The following KCNQ1OT1 variants were observed in gnomAD, a reference collection of about 807,000 sequenced individuals.
The protein encoded by KCNQ1OT1 is KCNQ1 antisense RNA 2 (non-protein coding).
At chr11:2,633,246 G>A in exon 1 of KCNQ1OT1, 1 of 398,410 alleles carries the variant, frequency 2.5e-6, no homozygotes, top group Non-Finnish European at 4.4e-6. Flanking sequence ...GGTGTTTTTT[G>A]CTGTTGAATT....
exon 1 of KCNQ1OT1, chr11:2,622,901 T>A (rs996870814): frequency 2.5e-6 from 1 of 398,556 alleles, no homozygotes; most frequent in Non-Finnish European, 4.4e-6. Context: ...AAGTCCCTAG[T>A]TAACATTAGG....
exon 1 of KCNQ1OT1, chr11:2,675,644 G>A: frequency 2.5e-6 from 1 of 398,610 alleles, no homozygotes; most frequent in Non-Finnish European, 4.4e-6. Flanking sequence ...GGGTGGTTGG[G>A]CTCTCTAGGA....
At chr11:2,662,630 T>C (rs547996714) in exon 1 of KCNQ1OT1, 1 of 409,816 alleles carries the variant, frequency 2.4e-6, no homozygotes, top group African/African-American at 2.0e-5. Context: ...CAATCCCCGG[T>C]GCCCGGCCAC....
chr11:2,646,377 T>C (rs1849665964), exon 1 of KCNQ1OT1: 1 of 398,534 alleles, frequency 2.5e-6, no homozygotes, highest in South Asian at 1.3e-4. Context: ...CTTCAATTAC[T>C]GTTATCAGTA....
At chr11:2,618,753 A>G in exon 1 of KCNQ1OT1, 3 of 398,502 alleles carry the variant, frequency 7.5e-6, no homozygotes, top group Middle Eastern at 1.3e-3. Context: ...GATTTTATTC[A>G]ATCTGTATAT....
At chr11:2,625,672 T>A (rs1318991940) in exon 1 of KCNQ1OT1, 1 of 397,200 alleles carries the variant, frequency 2.5e-6, no homozygotes, top group Non-Finnish European at 4.4e-6. Context: ...GCCTCCTGGG[T>A]TCACATCATT....
chr11:2,641,091 C>T, exon 1 of KCNQ1OT1: 1 of 398,402 alleles, frequency 2.5e-6, no homozygotes, highest in Non-Finnish European at 4.4e-6. Flanking sequence ...TTCCTGAGTC[C>T]ATATCTTTGC....
exon 1 of KCNQ1OT1, chr11:2,680,614 CTG>C: frequency 2.5e-6 from 1 of 398,508 alleles, no homozygotes; most frequent in Non-Finnish European, 4.4e-6. Context: ...TCTTGCAAAA[CTG>C]TAGTACAATA....
chr11:2,698,840 C>CA lies in KCNQ1OT1; in HGVS notation n.1154dup. 2.5e-6 allele frequency: 1 copy of CA among 398,792 alleles called. No individual in the cohort carries two copies. Among genetic ancestry groups the CA allele is most frequent in the South Asian group, 1.3e-4 (1 of 7,852 alleles). 24.7% of individuals were successfully genotyped at this position (398,792 alleles called of 1,614,324 possible). ...CTAATGAGGCCCTACCTAAAACCAC[C>CA]ATGCGGACTCCAGACCCGGACTGAC... On this transcript the variant is annotated non_coding_transcript_exon_variant, in exon 1 of 1. Coordinates refer to ENST00000597346, the Ensembl canonical transcript of KCNQ1OT1. The surrounding 1 kb of genome is among the most constrained non-coding windows in gnomAD (Gnocchi z 5.1).
rs1850443317 is a variant in KCNQ1OT1 at position 2,683,988 on chromosome 11, T to G, written n.16007A>C. 2.5e-6 allele frequency: 1 copy of G among 398,430 alleles called. No individual in the cohort carries two copies. Among genetic ancestry groups the G allele is most frequent in the South Asian group, 1.3e-4 (1 of 7,860 alleles). The allele number at this position is 398,430 out of a possible 1,614,324, so 24.7% of individuals were successfully genotyped here. ...TTTTTTTTTTTTCATTTAGAAGAAT[T>G]TCCTTGGCAACTCCGTCTCTCCTTA... On this transcript the variant is annotated non_coding_transcript_exon_variant, in exon 1 of 1. Coordinates refer to ENST00000597346, the Ensembl canonical transcript of KCNQ1OT1. The surrounding 1 kb of genome is among the most constrained non-coding windows in gnomAD (Gnocchi z 4.7).
At chr11:2,641,866 C>A in exon 1 of KCNQ1OT1, 1 of 398,382 alleles carries the variant, frequency 2.5e-6, no homozygotes. Flanking sequence ...CTTATTTTCC[C>A]AGCTCCATTA....
At position 2,623,396 on chromosome 11, in the gene KCNQ1OT1, C is replaced by T; in HGVS notation, n.76599G>A. On this transcript the variant is annotated non_coding_transcript_exon_variant, in exon 1 of 1. Transcript: ENST00000597346. The surrounding 1 kb of genome is among the most constrained non-coding windows in gnomAD (Gnocchi z 5.2). ...CATATATTTGTACATTTTCACTGCC[C>T]TAAAAGTACTCTGTGCACTGCCTAT... is the stretch of plus-strand genomic sequence containing the variant. The T allele has an allele frequency of 5.0e-6, 2 of 398,564 alleles. No homozygotes were observed. Among genetic ancestry groups the T allele is most frequent in the Non-Finnish European group, 8.8e-6 (2 of 226,070 alleles). The allele number at this position is 398,564 out of a possible 1,614,324, so 24.7% of individuals were successfully genotyped here.
chr11:2,699,799 C>T (rs1290467634), exon 1 of KCNQ1OT1: 1 of 397,360 alleles, frequency 2.5e-6, no homozygotes, highest in Non-Finnish European at 4.4e-6. Context: ...CCGAGGGGCG[C>T]GCCGGGGAGA....
At chr11:2,675,336 A>AT in exon 1 of KCNQ1OT1, 2 of 398,620 alleles carry the variant, frequency 5.0e-6, no homozygotes, top group Non-Finnish European at 8.8e-6. Context: ...TCTAAGTCAT[A>AT]TTTTTTTAAT....
rs541220656 is a variant in KCNQ1OT1 at position 2,651,312 on chromosome 11, G to C, written n.48683C>G. The stretch of plus-strand genomic sequence containing the variant: ...TGGTGGGCAGCTGGGAAGCTGCACA[G>C]AACACTCCTCAGAGTTCTACAAGCG... On this transcript the variant is annotated non_coding_transcript_exon_variant, in exon 1 of 1. Coordinates refer to ENST00000597346, the Ensembl canonical transcript of KCNQ1OT1. This position sits in a 1 kb window ranked among gnomAD's most constrained non-coding sequence, Gnocchi z 6.1. The C allele has an allele frequency of 5.8e-5, 23 of 398,686 alleles. No homozygotes were observed. The highest frequency in any genetic ancestry group is 3.9e-4 in the African/African-American group (19 of 48,774). The allele number at this position is 398,686 out of a possible 1,614,324, so 24.7% of individuals were successfully genotyped here.
In KCNQ1OT1 at chr11:2,695,573, C is replaced by T. The variant is rs1447077804; in HGVS notation, n.4422G>A. The T allele has an allele frequency of 5.0e-6, 2 of 398,554 alleles. No individual in the cohort carries two copies. The highest frequency in any genetic ancestry group is 8.8e-6 in the Non-Finnish European group (2 of 226,094). 24.7% of individuals were successfully genotyped at this position (398,554 alleles called of 1,614,324 possible). ...CCATGCTGCCCTGAGCATGCACACA[C>T]ACAGCCTCTCGTTGTTCTGGGTGAG... On this transcript the variant is annotated non_coding_transcript_exon_variant, in exon 1 of 1. Coordinates refer to ENST00000597346, the Ensembl canonical transcript of KCNQ1OT1. This position sits in a 1 kb window ranked among gnomAD's most constrained non-coding sequence, Gnocchi z 5.2.
At chr11:2,640,448 G>C in exon 1 of KCNQ1OT1, 1 of 398,414 alleles carries the variant, frequency 2.5e-6, no homozygotes. Flanking sequence ...ACCATGCCTG[G>C]ATAACTTCTT....
At position 2,669,295 on chromosome 11, in the gene KCNQ1OT1, T is replaced by C. The variant is rs577153152; in HGVS notation, n.30700A>G. ...GTCTTTGCAGGGTTTCTCCTCACCA[T>C]ACATATGCCAGTTGCCATGGAAAGC... On this transcript the variant is annotated non_coding_transcript_exon_variant, in exon 1 of 1. Transcript: ENST00000597346. The surrounding 1 kb of genome is among the most constrained non-coding windows in gnomAD (Gnocchi z 5.6). 4 of 398,558 alleles carry C rather than the reference T, an allele frequency of 1.0e-5. No homozygotes were observed. Among genetic ancestry groups the C allele is most frequent in the African/African-American group, 2.1e-5 (1 of 48,638 alleles). The allele number at this position is 398,558 out of a possible 1,614,324, so 24.7% of individuals were successfully genotyped here. A position where few individuals can be genotyped will look rare whatever the true frequency, so the allele number is the denominator to read the frequency against.
At position 2,653,164 on chromosome 11, in the gene KCNQ1OT1, G is replaced by A. The variant is rs917499506; in HGVS notation, n.46831C>T. The A allele has an allele frequency of 2.5e-6, 1 of 398,600 alleles. No individual in the cohort carries two copies. The highest frequency in any genetic ancestry group is 4.4e-6 in the Non-Finnish European group (1 of 226,124). The allele number at this position is 398,600 out of a possible 1,614,324, so 24.7% of individuals were successfully genotyped here. A position where few individuals can be genotyped will look rare whatever the true frequency, so the allele number is the denominator to read the frequency against. Reference sequence around the variant, plus strand: ...AGTAGAAAGCCAATGTCCCACCTTAGGAAATCCCTTTCCAAGAGTTCCCTG... The same window carrying A: ...AGTAGAAAGCCAATGTCCCACCTTAAGAAATCCCTTTCCAAGAGTTCCCTG... On this transcript the variant is annotated non_coding_transcript_exon_variant, in exon 1 of 1. Transcript: ENST00000597346. The surrounding 1 kb of genome is among the most constrained non-coding windows in gnomAD (Gnocchi z 5.3).
Sources: allele counts gnomAD v4.1 joint callset, GRCh38; gene constraint gnomAD v4.1.1; non-coding constraint Gnocchi (gnomAD v3.1); transcripts MANE v1.5; gene names NCBI Gene and HGNC (gene_info 2026-07-23, HGNC 2026-07-21).